Variants in KDM2B observed in about 807,000 individuals in gnomAD.
The protein encoded by KDM2B is lysine-specific demethylase 2B.
A neutral mutation model predicts 150.0 loss-of-function variants in KDM2B; 26 were observed. The observed-to-expected ratio is 0.17, with a 90% CI of 0.13 to 0.24. The LOEUF (loss-of-function observed/expected upper bound fraction) is 0.24, where lower values mean the gene tolerates loss of function less well. Among genes scored for constraint, KDM2B ranks in the 10% least tolerant of loss-of-function variants. The pLI is 1.00. For missense variants in KDM2B, 1,265 were observed against 1,816.9 expected (o/e 0.70, Z 5.52); for synonymous variants, 734 against 729.5 (o/e 1.01, Z -0.10).
rs1344693981 is a variant in KDM2B, at chr12:121,452,903, A to T, written c.1959+217T>A. Among the ~76,000 whole-genome samples, 1 of 152,194 alleles carries T rather than the reference A, an allele frequency of 6.6e-6. No homozygotes were observed. ...CTGCCTGTCATCTTTAATGGCAGCA[A>T]CTTCAAAGTACCTGAGCACCCTGGG... is the stretch of plus-strand genomic sequence containing the variant. On this transcript the variant is annotated intron_variant, in intron 13 of 22. Transcript: ENST00000377071. The surrounding 1 kb of genome is among the most constrained non-coding windows in gnomAD (Gnocchi z 4.4).
rs138289560 is a variant in KDM2B, at chr12:121,532,864, A to C, written c.873T>G (p.Arg291=). The change falls in exon 8 of 23, where the codon CGT becomes CGG. Residue 291 remains arginine, a synonymous_variant. Coordinates refer to ENST00000377071, the MANE Select transcript of KDM2B (RefSeq NM_032590.5). Reference sequence around the variant, plus strand: ...GCTCAATTCTTTGGCATCGTTCCACACGGTCTCCCAGAAAGATGTCACTCT... The same window carrying C: ...GCTCAATTCTTTGGCATCGTTCCACCCGGTCTCCCAGAAAGATGTCACTCT... ...GKQSDIFLGD[R]VERCQRIELK... 3.0e-5 allele frequency: 48 copies of C among 1,614,222 alleles called. 1 individual carries two copies. In the East Asian group the frequency reaches 9.1e-4, roughly 31 times the overall value.
At chr12:121,552,326 C>T (rs1889564908) in intron 4 of KDM2B, among the ~76,000 whole-genome samples, 1 of 152,118 alleles carries the variant, frequency 6.6e-6, no homozygotes, top group South Asian at 2.1e-4. Context: ...AGCCCAGGTT[C>T]CTCTCCCATC....
Position 121,532,303 on chromosome 12 carries a change from C to T in KDM2B, c.931+503G>A, listed in dbSNP as rs141604954. Among the ~76,000 whole-genome samples the T allele has an allele frequency of 3.5e-4, 53 of 152,272 alleles. No individual in the cohort carries two copies. The East Asian group carries it at 0.01, about 29-fold the overall frequency. ...ACTGAGCCAGGAACCAGCCAAAAGC[C>T]CTTAGTCCATCTCCAGTGAACTGGA... On this transcript the variant is annotated intron_variant, in intron 8 of 22. Transcript: ENST00000377071.
chr12:121,549,668 C>A lies in KDM2B; in HGVS notation c.398-30G>T. The A allele has an allele frequency of 2.0e-6, 3 of 1,531,032 alleles. No homozygotes were observed. The highest frequency in any genetic ancestry group is 2.7e-6 in the Non-Finnish European group (3 of 1,131,264). The allele number at this position is 1,531,032 out of a possible 1,614,324, so 94.8% of individuals were successfully genotyped here. A position where few individuals can be genotyped will look rare whatever the true frequency, so the allele number is the denominator to read the frequency against. ...AGGCAGAAGCCACACACTGGTTGTT[C>A]CTGCCGGCTTAAGGCTCCAGATCCT... On this transcript the variant is annotated intron_variant, in intron 4 of 22. Transcript: ENST00000377071. The surrounding 1 kb of genome is among the most constrained non-coding windows in gnomAD (Gnocchi z 4.4).
intron 12 of KDM2B, among the ~76,000 whole-genome samples, chr12:121,473,388 C>CA (rs138780057): frequency 0.34 from 37,503 of 111,490 alleles, 6,146 homozygotes; most frequent in East Asian, 0.49. Context: ...GACTCTGTCT[C>CA]AAAAAAAAAA....
intron 9 of KDM2B, chr12:121,516,931 G>C: frequency 1.5e-6 from 1 of 649,138 alleles, no homozygotes; most frequent in Non-Finnish European, 2.7e-6. Context: ...AGGGGAGAGG[G>C]AAGGTAAATT....
intron 8 of KDM2B, among the ~76,000 whole-genome samples, chr12:121,528,616 G>A (rs1352650786): frequency 2.0e-5 from 3 of 151,626 alleles, no homozygotes; most frequent in African/African-American, 7.3e-5. Context: ...GTCTTCCTTG[G>A]ATGCATAGCT....
intron 12 of KDM2B, among the ~76,000 whole-genome samples, chr12:121,488,109 C>G (rs1882971085): frequency 6.6e-6 from 1 of 152,086 alleles, no homozygotes; most frequent in Non-Finnish European, 1.5e-5. Flanking sequence ...TCAGTCCCCA[C>G]TCCCAAACCC....
chr12:121,447,388 C>G (rs1345196341), intron 13 of KDM2B, among the ~76,000 whole-genome samples: 1 of 151,024 alleles, frequency 6.6e-6, no homozygotes, highest in African/African-American at 2.4e-5. Context: ...AGCACAGGTG[C>G]CCGCCACCAC....
intron 4 of KDM2B, among the ~76,000 whole-genome samples, chr12:121,550,269 C>T (rs1889381558): frequency 6.6e-6 from 1 of 150,780 alleles, no homozygotes. Context: ...GAGATGGCGC[C>T]ACCTCACTCC....
chr12:121,578,690 C>T (rs1274981298), intron 2 of KDM2B, 112 bp downstream of exon 2: 3 of 353,582 alleles, frequency 8.5e-6, no homozygotes, highest in Non-Finnish European at 1.3e-5. Context: ...GTCACCGGAT[C>T]CCCTGGAATG....
At chr12:121,435,016 C>G (rs141596216) in intron 22 of KDM2B, among the ~76,000 whole-genome samples, 1 of 136,816 alleles carries the variant, frequency 7.3e-6, no homozygotes, top group East Asian at 2.3e-4. Flanking sequence ...GATATGACAC[C>G]AAAATCACAG....
At chr12:121,500,466 T>G (rs901100333) in intron 11 of KDM2B, among the ~76,000 whole-genome samples, 1 of 152,210 alleles carries the variant, frequency 6.6e-6, no homozygotes, top group Non-Finnish European at 1.5e-5. Context: ...TATGCCAACT[T>G]CTCTCAAAGA....
intron 12 of KDM2B, among the ~76,000 whole-genome samples, chr12:121,463,377 G>C (rs1035638620): frequency 1.3e-5 from 2 of 151,404 alleles, no homozygotes; most frequent in African/African-American, 4.9e-5. Flanking sequence ...CCTAGATGAT[G>C]GGTTGATAGG....
At chr12:121,480,967 G>A (rs555886270) in intron 12 of KDM2B, among the ~76,000 whole-genome samples, 200 of 143,970 alleles carry the variant, frequency 1.4e-3, no homozygotes, top group Non-Finnish European at 2.2e-3. Context: ...TCGCTCTGTC[G>A]CCCAGACCAG....
At chr12:121,487,402 C>T (rs797030859) in intron 12 of KDM2B, among the ~76,000 whole-genome samples, 17 of 152,148 alleles carry the variant, frequency 1.1e-4, no homozygotes, top group African/African-American at 3.9e-4. Context: ...GATTCCAGAT[C>T]GGAGGCCCAG....
intron 4 of KDM2B, among the ~76,000 whole-genome samples, chr12:121,573,285 C>CT (rs34937823): frequency 1.4e-3 from 198 of 142,008 alleles, no homozygotes; most frequent in Middle Eastern, 3.8e-3. Flanking sequence ...ACACTGTTTA[C>CT]TTTTTTTTTT....
intron 8 of KDM2B, among the ~76,000 whole-genome samples, chr12:121,530,501 AC>A (rs1221271277): frequency 1.3e-5 from 2 of 152,004 alleles, no homozygotes; most frequent in Non-Finnish European, 2.9e-5. Context: ...ATGGCTGGGA[AC>A]CGCTGAACTA....
Position 121,467,118 on chromosome 12 carries a change from G to A in KDM2B, c.1735-13774C>T. 9.1e-7 allele frequency: 1 copy of A among 1,098,624 alleles called. No homozygotes were observed. The highest frequency in any genetic ancestry group is 1.1e-6 in the Non-Finnish European group (1 of 879,708). The allele number at this position is 1,098,624 out of a possible 1,614,324, so 68.1% of individuals were successfully genotyped here. A position where few individuals can be genotyped will look rare whatever the true frequency, so the allele number is the denominator to read the frequency against. On this transcript the variant is annotated intron_variant, in intron 12 of 22. Transcript: ENST00000377071. This position sits in a 1 kb window ranked among gnomAD's most constrained non-coding sequence, Gnocchi z 5.1. Reference sequence around the variant, plus strand: ...GTCAGACAGGCGGTCGGGAGGTCGTGCGGCGGGTCCCTCCCTCAGCCCCAC... The same window carrying A: ...GTCAGACAGGCGGTCGGGAGGTCGTACGGCGGGTCCCTCCCTCAGCCCCAC...
Sources: gnomAD v4.1 joint callset for allele counts (sites outside exome capture counted in the v4.1 genomes callset) on GRCh38, gnomAD v4.1.1 for gene constraint, Gnocchi (gnomAD v3.1) non-coding constraint, MANE v1.5 for transcripts, NCBI Gene and HGNC (gene_info 2026-07-23, HGNC 2026-07-21) for gene names.